The following SOX6 variants were observed in gnomAD, a reference collection of about 807,000 sequenced individuals.
SOX6 encodes the protein SRY-box transcription factor 6, also known as transcription factor SOX-6.
SOX6 carries 11 observed loss-of-function variants against 97.8 expected under a neutral mutation model. The ratio of observed to expected loss-of-function variants is 0.11; its 90% CI spans 0.07 to 0.19. The LOEUF (loss-of-function observed/expected upper bound fraction) is 0.19, where lower values mean the gene tolerates loss of function less well. SOX6 is among the 10% of genes least tolerant of loss of function. SOX6 has a pLI of 1.00. For missense variants in SOX6, 810 were observed against 1,039.5 expected (o/e 0.78, Z 3.04); for synonymous variants, 360 against 371.4 (o/e 0.97, Z 0.35).
intron 4 of SOX6, among the ~76,000 whole-genome samples, chr11:16,571,839 GAC>G (rs1418676215): frequency 6.6e-6 from 1 of 152,150 alleles, no homozygotes. Context: ...TTTTACTAGA[GAC>G]AGGGTTTCGC....
intron 3 of SOX6, among the ~76,000 whole-genome samples, chr11:16,249,262 C>A (rs1565046760): frequency 6.6e-6 from 1 of 152,112 alleles, no homozygotes; most frequent in Admixed American, 6.5e-5. Context: ...GAACACTTGG[C>A]CGCTTAGAAA....
chr11:16,520,494 C>A (rs59959423), intron 4 of SOX6, among the ~76,000 whole-genome samples: 3,457 of 152,236 alleles, frequency 0.023, 134 homozygotes, highest in African/African-American at 0.078. Context: ...AACCTTGGGC[C>A]GAGCCAAGAT....
At chr11:16,570,910 A>G (rs2133198881) in intron 4 of SOX6, among the ~76,000 whole-genome samples, 1 of 152,336 alleles carries the variant, frequency 6.6e-6, no homozygotes, top group East Asian at 1.9e-4. Context: ...AATATTGGTA[A>G]TATAAATATT....
chr11:16,082,463 C>T (rs1457512439), intron 9 of SOX6, among the ~76,000 whole-genome samples: 1 of 152,130 alleles, frequency 6.6e-6, no homozygotes, highest in Non-Finnish European at 1.5e-5. Context: ...AGTATCAAGG[C>T]CCATTCACTG....
intron 1 of SOX6, among the ~76,000 whole-genome samples, chr11:16,473,771 C>T (rs1273495975): frequency 1.3e-5 from 2 of 152,056 alleles, no homozygotes. Context: ...AGGCTGGCCT[C>T]GAACTCCTGA....
chr11:16,480,790 G>GT (rs1242404973), upstream of SOX6, among the ~76,000 whole-genome samples: 1 of 152,036 alleles, frequency 6.6e-6, no homozygotes, highest in Non-Finnish European at 1.5e-5. Flanking sequence ...CAAAACACCT[G>GT]TAACAAATTT....
At chr11:16,297,347 T>A (rs1048444258) in intron 3 of SOX6, among the ~76,000 whole-genome samples, 1 of 152,288 alleles carries the variant, frequency 6.6e-6, no homozygotes, top group African/African-American at 2.4e-5. Context: ...ACTGAATTTA[T>A]CATAATATAG....
At chr11:16,697,648 T>A (rs1021618535) in intron 3 of SOX6, among the ~76,000 whole-genome samples, 23 of 152,190 alleles carry the variant, frequency 1.5e-4, no homozygotes, top group African/African-American at 5.3e-4. Flanking sequence ...TTTGCTCACA[T>A]CCATTAAAGG....
At chr11:16,324,986 C>G (rs1856036929) in intron 2 of SOX6, among the ~76,000 whole-genome samples, 1 of 151,944 alleles carries the variant, frequency 6.6e-6, no homozygotes, top group Non-Finnish European at 1.5e-5. Context: ...GGAATAAGAT[C>G]TACTGTTTGG....
At chr11:16,652,635 T>C (rs942579536) in intron 3 of SOX6, among the ~76,000 whole-genome samples, 1 of 152,142 alleles carries the variant, frequency 6.6e-6, no homozygotes, top group Non-Finnish European at 1.5e-5. Flanking sequence ...AAGACTTAAA[T>C]CTAAGACCTG....
At chr11:16,440,237 G>A (rs763363874) in intron 1 of SOX6, among the ~76,000 whole-genome samples, 5 of 152,132 alleles carry the variant, frequency 3.3e-5, no homozygotes, top group Non-Finnish European at 7.4e-5. Context: ...TCAGGGGCTA[G>A]GAAAAACGGA....
chr11:16,685,343 C>G (rs1229035125), intron 3 of SOX6, among the ~76,000 whole-genome samples: 2 of 152,224 alleles, frequency 1.3e-5, no homozygotes, highest in Non-Finnish European at 2.9e-5. Context: ...CAAGTACTTT[C>G]TAACCATGAG....
At chr11:16,272,916 T>C (rs1854299140) in intron 3 of SOX6, among the ~76,000 whole-genome samples, 1 of 151,902 alleles carries the variant, frequency 6.6e-6, no homozygotes, top group Non-Finnish European at 1.5e-5. Context: ...GGCCTTGAGA[T>C]ATATGTATTT....
intron 1 of SOX6, among the ~76,000 whole-genome samples, chr11:16,364,587 T>C (rs535456160): frequency 6.6e-5 from 10 of 152,238 alleles, no homozygotes; most frequent in African/African-American, 2.4e-4. Context: ...CTGTAAAATA[T>C]GGATAATAAT....
chr11:16,112,119 G>A (rs1039604939), intron 6 of SOX6, among the ~76,000 whole-genome samples, 196 bp from the exon 7 acceptor site: 3 of 152,114 alleles, frequency 2.0e-5, no homozygotes, highest in East Asian at 1.9e-4. Flanking sequence ...TACCGAAGAC[G>A]TAACTTCATT....
At chr11:16,521,618 C>G (rs1259142691) in intron 4 of SOX6, among the ~76,000 whole-genome samples, 1 of 152,190 alleles carries the variant, frequency 6.6e-6, no homozygotes, top group Non-Finnish European at 1.5e-5. Context: ...AGCAACGGAA[C>G]AAAGCTGGAT....
intron 13 of SOX6, among the ~76,000 whole-genome samples, chr11:16,011,005 C>T (rs1854706806): frequency 6.6e-6 from 1 of 151,910 alleles, no homozygotes; most frequent in Admixed American, 6.6e-5. Flanking sequence ...AAACTTAAGC[C>T]CAGAGGTTCT....
chr11:16,108,386 G>C (rs1312025613), intron 7 of SOX6, among the ~76,000 whole-genome samples: 1 of 152,104 alleles, frequency 6.6e-6, no homozygotes, highest in Admixed American at 6.6e-5. Context: ...TATGAAGGGG[G>C]CTACTCATCG....
chr11:16,333,175 C>T (rs1248853283), intron 2 of SOX6, among the ~76,000 whole-genome samples: 3 of 152,114 alleles, frequency 2.0e-5, no homozygotes, highest in Non-Finnish European at 4.4e-5. Flanking sequence ...TGTGCAGACA[C>T]AATCCTGGGT....
Sources: gnomAD v4.1 joint callset for allele counts (sites outside exome capture counted in the v4.1 genomes callset) on GRCh38, gnomAD v4.1.1 for gene constraint, MANE v1.5 for transcripts, NCBI Gene and HGNC (gene_info 2026-07-23, HGNC 2026-07-21) for gene names.